Variants in MED13L observed in about 807,000 individuals in gnomAD.
MED13L encodes the protein mediator complex subunit 13L.
A neutral mutation model predicts 220.9 loss-of-function variants in MED13L; 7 were observed. The observed-to-expected ratio is 0.03, with a 90% CI of 0.02 to 0.06. The LOEUF is 0.06. Among genes scored for constraint, MED13L ranks in the 10% least tolerant of loss-of-function variants. The pLI is 1.00. For missense variants in MED13L, 1,965 were observed against 2,760.5 expected (o/e 0.71, Z 6.46); for synonymous variants, 1,011 against 1,015.2 (o/e 1.00, Z 0.08).
At chr12:116,156,772 A>G (rs1878474804) in intron 2 of MED13L, among the ~76,000 whole-genome samples, 2 of 152,128 alleles carry the variant, frequency 1.3e-5, no homozygotes, top group Non-Finnish European at 2.9e-5. Context: ...CCTCCCTCCT[A>G]AAGTAGGGGT....
chr12:116,256,575 A>G (rs1434814254), intron 1 of MED13L, among the ~76,000 whole-genome samples: 4 of 152,180 alleles, frequency 2.6e-5, no homozygotes, highest in Admixed American at 6.5e-5. Flanking sequence ...GTACACTTAA[A>G]GTGAGTATAT....
Position 115,960,889 on chromosome 12 carries a change from G to C in MED13L, c.*377C>G, listed in dbSNP as rs1488123137. ...TAAGAGGATTTCATCCAAAGGGCTA[G>C]ACTGCCCTCAATTGTATACAGAGGC... On this transcript the variant is annotated 3_prime_UTR_variant, in exon 31 of 31. Coordinates refer to ENST00000281928, the MANE Select transcript of MED13L (RefSeq NM_015335.5). 3 of 326,310 alleles carry C rather than the reference G, an allele frequency of 9.2e-6. No individual in the cohort carries two copies. The highest frequency in any genetic ancestry group is 6.0e-6 in the Non-Finnish European group (1 of 165,708). 20.2% of individuals were successfully genotyped at this position (326,310 alleles called of 1,614,324 possible). A position where few individuals can be genotyped will look rare whatever the true frequency, so the allele number is the denominator to read the frequency against.
intron 2 of MED13L, among the ~76,000 whole-genome samples, chr12:116,178,311 C>G (rs977588999): frequency 6.6e-6 from 1 of 152,154 alleles, no homozygotes; most frequent in East Asian, 1.9e-4. Context: ...TGAAAATTTG[C>G]AGAAATCTGT....
At chr12:116,086,848 C>A (rs1295032947) in intron 4 of MED13L, among the ~76,000 whole-genome samples, 1 of 152,130 alleles carries the variant, frequency 6.6e-6, no homozygotes, top group Non-Finnish European at 1.5e-5. Flanking sequence ...AACCACAATG[C>A]TAGTAAACAC....
At chr12:116,019,675 A>AG in intron 6 of MED13L, 103 bp downstream of exon 6, 1 of 1,376,906 alleles carries the variant, frequency 7.3e-7, no homozygotes, top group Non-Finnish European at 1.0e-6. Context: ...TTCTTTAAAA[A>AG]GATGGGTATG....
chr12:116,256,125 A>C (rs541716554), intron 1 of MED13L, among the ~76,000 whole-genome samples: 4 of 152,318 alleles, frequency 2.6e-5, no homozygotes, highest in African/African-American at 9.6e-5. Flanking sequence ...TGGGATATTA[A>C]ATGATACAAA....
At chr12:116,175,698 A>G (rs1880003730) in intron 2 of MED13L, among the ~76,000 whole-genome samples, 1 of 152,226 alleles carries the variant, frequency 6.6e-6, no homozygotes, top group Non-Finnish European at 1.5e-5. Context: ...AGAAGGAAAC[A>G]GAGCAGCATA....
In MED13L at chr12:116,007,914, C is replaced by T; in HGVS notation, c.2013-278G>A. The T allele has an allele frequency of 1.1e-5, 5 of 451,150 alleles. No homozygotes were observed. The South Asian group carries it at 1.3e-4, about 11-fold the overall frequency. The allele number at this position is 451,150 out of a possible 1,614,324, so 27.9% of individuals were successfully genotyped here. A position where few individuals can be genotyped will look rare whatever the true frequency, so the allele number is the denominator to read the frequency against. On this transcript the variant is annotated intron_variant, in intron 10 of 30. Transcript: ENST00000281928. ...TACTAACTGCATGGCCCTAGTTTCT[C>T]AGTTATAAAATTAACGTAATAATAT...
intron 1 of MED13L, among the ~76,000 whole-genome samples, chr12:116,262,728 T>A (rs1269258511): frequency 6.6e-6 from 1 of 152,222 alleles, no homozygotes; most frequent in East Asian, 1.9e-4. Context: ...AGCTTATATA[T>A]AACAAACTAT....
At chr12:116,164,981 T>C (rs556825938) in intron 2 of MED13L, among the ~76,000 whole-genome samples, 2 of 152,350 alleles carry the variant, frequency 1.3e-5, no homozygotes, top group East Asian at 1.9e-4. Flanking sequence ...CTTGTACTCA[T>C]GTAAGTTTTT....
chr12:116,154,371 G>A (rs2138106359), intron 2 of MED13L, among the ~76,000 whole-genome samples: 2 of 152,302 alleles, frequency 1.3e-5, no homozygotes, highest in South Asian at 4.1e-4. Context: ...GTTACCAAGA[G>A]CAATTAGTGG....
At chr12:116,055,132 G>A (rs902305984) in intron 4 of MED13L, among the ~76,000 whole-genome samples, 6 of 152,130 alleles carry the variant, frequency 3.9e-5, no homozygotes, top group African/African-American at 1.4e-4. Flanking sequence ...ATCTACAGTG[G>A]TATTGAAATA....
At chr12:116,024,773 C>CGGGGGGGG (rs796599611) in intron 4 of MED13L, among the ~76,000 whole-genome samples, 10 of 5,082 alleles carry the variant, frequency 2.0e-3, no homozygotes, top group South Asian at 5.6e-3. Flanking sequence ...TTTGGCGGGG[C>CGGGGGGGG]GGGGGGGGGG....
At chr12:116,258,742 C>T (rs1405861144) in intron 1 of MED13L, among the ~76,000 whole-genome samples, 2 of 148,092 alleles carry the variant, frequency 1.4e-5, no homozygotes, top group Non-Finnish European at 3.0e-5. Context: ...CACCACTGCA[C>T]TCCGGCCTGG....
chr12:116,126,347 A>G (rs941049781), intron 2 of MED13L, among the ~76,000 whole-genome samples: 1 of 152,146 alleles, frequency 6.6e-6, no homozygotes, highest in African/African-American at 2.4e-5. Flanking sequence ...AAGTTAAGTA[A>G]CACCGTTGTT....
At chr12:116,239,411 T>C (rs1870406371) in intron 1 of MED13L, among the ~76,000 whole-genome samples, 1 of 152,222 alleles carries the variant, frequency 6.6e-6, no homozygotes, top group Non-Finnish European at 1.5e-5. Context: ...AGCATCCTAC[T>C]GTATATGTCC....
intron 4 of MED13L, among the ~76,000 whole-genome samples, chr12:116,086,056 T>C (rs1871650332): frequency 6.6e-6 from 1 of 152,116 alleles, no homozygotes; most frequent in Admixed American, 6.5e-5. Context: ...GCTTGGGCGA[T>C]CCCTACACAA....
intron 4 of MED13L, among the ~76,000 whole-genome samples, chr12:116,065,120 T>C (rs984919942): frequency 6.6e-6 from 1 of 152,192 alleles, no homozygotes; most frequent in African/African-American, 2.4e-5. Context: ...CATTATTAAA[T>C]ATTAATTATA....
chr12:116,058,891 T>A (rs187917287), intron 4 of MED13L, among the ~76,000 whole-genome samples: 1 of 152,192 alleles, frequency 6.6e-6, no homozygotes, highest in African/African-American at 2.4e-5. Context: ...ATGTAAAATA[T>A]GAATATGTTA....
Sources: gnomAD v4.1 joint callset for allele counts (sites outside exome capture counted in the v4.1 genomes callset) on GRCh38, gnomAD v4.1.1 for gene constraint, MANE v1.5 for transcripts, NCBI Gene and HGNC (gene_info 2026-07-23, HGNC 2026-07-21) for gene names.